DSTYK: variants seen among roughly 807,000 people sequenced by gnomAD.
DSTYK encodes the protein RIP-homologous kinase.
A neutral mutation model predicts 98.7 loss-of-function variants in DSTYK; 34 were observed. That is an observed-to-expected ratio of 0.34 (90% CI 0.26 to 0.46). DSTYK has a LOEUF of 0.46. Ranked by LOEUF, DSTYK falls within the 20% of genes least tolerant of loss-of-function variation. The pLI is 1.00. For synonymous variants in DSTYK, 462 were observed against 457.3 expected (o/e 1.01, Z -0.13); for missense variants, 962 against 1,181.7 (o/e 0.81, Z 2.73).
rs997789015 is a variant in DSTYK, at chr1:205,147,212, T to G, written c.*346A>C. 2 of 176,770 alleles carry G rather than the reference T, an allele frequency of 1.1e-5. No homozygotes were observed. Among genetic ancestry groups the G allele is most frequent in the East Asian group, 2.9e-4 (2 of 6,922 alleles). 11.0% of individuals were successfully genotyped at this position (176,770 alleles called of 1,614,324 possible). A position where few individuals can be genotyped will look rare whatever the true frequency, so the allele number is the denominator to read the frequency against. Reference sequence around the variant, plus strand: ...TTTTTTAACACTATTGCCACTGCAGTGTCCCGCTTGCTGTCTTAGAAGTAT... The same window carrying G: ...TTTTTTAACACTATTGCCACTGCAGGGTCCCGCTTGCTGTCTTAGAAGTAT... On this transcript the variant is annotated 3_prime_UTR_variant, in exon 13 of 13. Transcript: ENST00000367162.
chr1:205,149,463 G>A (rs1022553954), intron 11 of DSTYK, among the ~76,000 whole-genome samples: 1 of 152,090 alleles, frequency 6.6e-6, no homozygotes, highest in Admixed American at 6.6e-5. Flanking sequence ...CCCATCACTT[G>A]GGCTCAAAAC....
At chr1:205,204,190 T>C (rs937447116) in intron 1 of DSTYK, among the ~76,000 whole-genome samples, 1 of 152,138 alleles carries the variant, frequency 6.6e-6, no homozygotes, top group African/African-American at 2.4e-5. Context: ...ACTCAGTAAA[T>C]GACAGTTCCA....
intron 2 of DSTYK, among the ~76,000 whole-genome samples, chr1:205,175,059 G>A (rs1483141164): frequency 6.8e-6 from 1 of 146,750 alleles, no homozygotes; most frequent in Non-Finnish European, 1.5e-5. Flanking sequence ...CTTTCTAATG[G>A]TAGAGTATGG....
intron 2 of DSTYK, among the ~76,000 whole-genome samples, chr1:205,176,084 G>A (rs1439109640): frequency 6.6e-6 from 1 of 152,140 alleles, no homozygotes; most frequent in African/African-American, 2.4e-5. Context: ...GAGTCATAGT[G>A]AATTCCTAAA....
At chr1:205,192,873 A>C (rs1658753336) in intron 1 of DSTYK, among the ~76,000 whole-genome samples, 1 of 152,196 alleles carries the variant, frequency 6.6e-6, no homozygotes, top group Non-Finnish European at 1.5e-5. Context: ...AAAAAGAAAA[A>C]ACAAGAAACA....
rs58928928 is a variant in DSTYK, at chr1:205,151,513, G to A, written c.2353-719C>T. On this transcript the variant is annotated intron_variant, in intron 10 of 12. Coordinates refer to ENST00000367162, the MANE Select transcript of DSTYK (RefSeq NM_015375.3). The stretch of plus-strand genomic sequence containing the variant: ...TAAAGAGACAGGGTTGTGCTCTGTC[G>A]TCCAGGCTGGAGTGCAGTGGCACAA... 1.1e-3 allele frequency among the ~76,000 whole-genome samples: 167 copies of A among 152,028 alleles called. 1 individual carries two copies. The highest frequency in any genetic ancestry group is 3.9e-3 in the African/African-American group (161 of 41,468).
chr1:205,159,094 T>A (rs146311408), intron 9 of DSTYK, among the ~76,000 whole-genome samples: 89 of 152,218 alleles, frequency 5.8e-4, no homozygotes, highest in African/African-American at 1.9e-3. Flanking sequence ...AAAATTTTTT[T>A]TTTTTATTTT....
At chr1:205,164,058 T>A in intron 3 of DSTYK, 103 bp from the exon 4 acceptor site, 1 of 935,178 alleles carries the variant, frequency 1.1e-6, no homozygotes, top group Non-Finnish European at 1.7e-6. Flanking sequence ...ACCGTGATGA[T>A]GATGGCTGCA....
At chr1:205,151,019 G>T (rs1466145887) in intron 10 of DSTYK, among the ~76,000 whole-genome samples, 4 of 152,172 alleles carry the variant, frequency 2.6e-5, no homozygotes, top group African/African-American at 9.7e-5. Flanking sequence ...TTGCTACTAG[G>T]CTACAAACCT....
rs1300122167 is a variant in DSTYK at position 205,161,366 on chromosome 1, G to A, written c.1840C>T (p.Arg614Trp). The A allele has an allele frequency of 6.2e-7, 1 of 1,614,054 alleles. No individual in the cohort carries two copies. The highest frequency in any genetic ancestry group is 8.5e-7 in the Non-Finnish European group (1 of 1,179,968). ...LRQLEAGHSG[R>W]LEKTEDLWLR... ...CATAGATCTTCCGTTTTCTCTAACC[G>A]GCCTGAGTGGCCAGCTTCCAGCTGG... is the stretch of plus-strand genomic sequence containing the variant. The change falls in exon 7 of 13, where the codon CGG (arginine) becomes TGG (tryptophan). Residue 614 changes from arginine to tryptophan, a missense_variant. By Grantham distance (101) the Arg-to-Trp change is moderately radical (BLOSUM62 -3). Around this residue, in one of 4 missense-constraint regions of DSTYK, gnomAD observed 660 missense variants for 855.0 expected, o/e 0.77. Transcript: ENST00000367162.
intron 1 of DSTYK, among the ~76,000 whole-genome samples, chr1:205,196,284 C>T (rs956167558): frequency 2.0e-5 from 3 of 152,172 alleles, no homozygotes; most frequent in Admixed American, 6.5e-5. Flanking sequence ...GGGCTGCACA[C>T]GGTCACTCAT....
chr1:205,192,867 A>G (rs1344979986), intron 1 of DSTYK, among the ~76,000 whole-genome samples: 1 of 152,200 alleles, frequency 6.6e-6, no homozygotes, highest in East Asian at 1.9e-4. Context: ...CATTTCAAAA[A>G]GAAAAAACAA....
At chr1:205,156,044 T>C (rs1382555816) in intron 10 of DSTYK, among the ~76,000 whole-genome samples, 5 of 152,198 alleles carry the variant, frequency 3.3e-5, no homozygotes, top group Admixed American at 6.5e-5. Flanking sequence ...GGCCTGCAGG[T>C]GCATAGAAAT....
intron 2 of DSTYK, among the ~76,000 whole-genome samples, chr1:205,178,454 T>TTG (rs1658298393): frequency 6.6e-6 from 1 of 152,118 alleles, no homozygotes; most frequent in African/African-American, 2.4e-5. Flanking sequence ...ACAAAATATT[T>TTG]TCTCTAGAAT....
chr1:205,177,652 A>C (rs980826212), intron 2 of DSTYK, among the ~76,000 whole-genome samples: 31 of 152,240 alleles, frequency 2.0e-4, no homozygotes, highest in Admixed American at 1.6e-3. Flanking sequence ...GAATCACTTA[A>C]GGTCAGGAGT....
intron 2 of DSTYK, among the ~76,000 whole-genome samples, chr1:205,186,625 C>T (rs3851285): frequency 0.48 from 73,583 of 152,036 alleles, 21,056 homozygotes; most frequent in Non-Finnish European, 0.63. Context: ...TTATCCCTAC[C>T]CACTCCTGAC....
chr1:205,162,887 G>A (rs1016825061), intron 5 of DSTYK, 36 bp downstream of exon 5: 1 of 1,508,514 alleles, frequency 6.6e-7, no homozygotes, highest in Non-Finnish European at 9.2e-7. Context: ...AGCCAACTAG[G>A]GGCTTTGAAA....
chr1:205,164,223 C>G (rs1326297700), intron 3 of DSTYK, among the ~76,000 whole-genome samples: 1 of 152,030 alleles, frequency 6.6e-6, no homozygotes, highest in African/African-American at 2.4e-5. Flanking sequence ...GAGGCTGAGG[C>G]AGGAGGATTG....
intron 1 of DSTYK, among the ~76,000 whole-genome samples, chr1:205,193,373 C>G (rs1658768606): frequency 6.6e-6 from 1 of 152,130 alleles, no homozygotes; most frequent in Non-Finnish European, 1.5e-5. Flanking sequence ...TCCTTCTTGC[C>G]TATTTTCCAT....
Sources: allele counts gnomAD v4.1 joint callset (sites outside exome capture counted in the v4.1 genomes callset), GRCh38; gene constraint gnomAD v4.1.1; regional missense constraint gnomAD v4.1.1; transcripts MANE v1.5; gene names NCBI Gene and HGNC (gene_info 2026-07-23, HGNC 2026-07-21).